TCF7L2: variants seen among roughly 807,000 people sequenced by gnomAD.
The protein encoded by TCF7L2 is transcription factor 7 like 2, also known as transcription factor 7-like 2.
In TCF7L2, 23 loss-of-function variants were observed where a neutral mutation model predicts 77.9. The ratio of observed to expected loss-of-function variants is 0.30; its 90% confidence interval spans 0.21 to 0.42. The LOEUF is 0.42. Among genes scored for constraint, TCF7L2 ranks in the 10% least tolerant of loss-of-function variants. TCF7L2 has a pLI of 1.00. For synonymous variants in TCF7L2, 413 were observed against 340.2 expected (o/e 1.21, Z -2.36); for missense variants, 654 against 793.1 (o/e 0.82, Z 2.11).
intron 5 of TCF7L2, among the ~76,000 whole-genome samples, chr10:113,104,001 C>T (rs1269816669): frequency 1.3e-5 from 2 of 152,170 alleles, no homozygotes; most frequent in Admixed American, 6.5e-5. Flanking sequence ...GGAATAAAAT[C>T]GGTGCCCTTG....
At chr10:112,952,560 T>C (rs562110484) in intron 3 of TCF7L2, among the ~76,000 whole-genome samples, 1 of 152,282 alleles carries the variant, frequency 6.6e-6, no homozygotes, top group African/African-American at 2.4e-5. Flanking sequence ...CCTTGGGATG[T>C]ATGGCGGGGT....
intron 4 of TCF7L2, among the ~76,000 whole-genome samples, 170 bp from the exon 5 acceptor site, chr10:113,039,855 G>T (rs1205541697): frequency 6.6e-6 from 1 of 152,076 alleles, no homozygotes; most frequent in African/African-American, 2.4e-5. Flanking sequence ...CTTGAGCTCT[G>T]AGGAAGACCC....
At chr10:112,983,841 T>C (rs2040968501) in intron 4 of TCF7L2, among the ~76,000 whole-genome samples, 1 of 152,204 alleles carries the variant, frequency 6.6e-6, no homozygotes, top group East Asian at 1.9e-4. Context: ...GGAACTTTCT[T>C]GTGTGTCTCT....
At chr10:112,984,041 C>A (rs1589989566) in intron 4 of TCF7L2, among the ~76,000 whole-genome samples, 1 of 152,196 alleles carries the variant, frequency 6.6e-6, no homozygotes, top group Admixed American at 6.5e-5. Context: ...CCAGAAGGTA[C>A]AGTTTAAACC....
At chr10:113,041,523 A>C (rs2052440100) in intron 5 of TCF7L2, among the ~76,000 whole-genome samples, 1 of 152,202 alleles carries the variant, frequency 6.6e-6, no homozygotes, top group Non-Finnish European at 1.5e-5. Flanking sequence ...CTCCCTTTCC[A>C]GAGCCTTGTG....
At chr10:112,969,475 A>G (rs758873798) in intron 4 of TCF7L2, among the ~76,000 whole-genome samples, 2 of 152,238 alleles carry the variant, frequency 1.3e-5, no homozygotes. Flanking sequence ...GGGGAAACAT[A>G]TATTTCCATT....
At chr10:113,150,395 T>C (rs2070487604) in intron 8 of TCF7L2, among the ~76,000 whole-genome samples, 1 of 151,822 alleles carries the variant, frequency 6.6e-6, no homozygotes, top group African/African-American at 2.4e-5. Flanking sequence ...ATGAACCAAA[T>C]AGGAACTATT....
chr10:112,969,696 A>G (rs1164249904), intron 4 of TCF7L2, among the ~76,000 whole-genome samples: 3 of 152,232 alleles, frequency 2.0e-5, no homozygotes, highest in Non-Finnish European at 2.9e-5. Context: ...GCTCCGGTGC[A>G]GGCCCCTTCA....
At chr10:113,117,942 C>A (rs759897294) in intron 5 of TCF7L2, among the ~76,000 whole-genome samples, 2 of 152,036 alleles carry the variant, frequency 1.3e-5, no homozygotes, top group African/African-American at 4.8e-5. Context: ...GCACACAAAG[C>A]GGGCACATTA....
chr10:113,009,826 C>T (rs1183217896), intron 4 of TCF7L2, among the ~76,000 whole-genome samples: 1 of 152,168 alleles, frequency 6.6e-6, no homozygotes, highest in African/African-American at 2.4e-5. Context: ...CGGTGAGTCT[C>T]AAGGGGAGAG....
intron 5 of TCF7L2, among the ~76,000 whole-genome samples, chr10:113,106,888 A>G (rs1190433442): frequency 1.3e-5 from 2 of 152,254 alleles, no homozygotes; most frequent in African/African-American, 4.8e-5. Context: ...CAAGTTTGGC[A>G]CCAACACTAT....
rs2052163537 is a variant in TCF7L2 at position 113,040,026 on chromosome 10, A to G, written c.452A>G (p.Tyr151Cys). 3 of 1,612,798 alleles carry G rather than the reference A, an allele frequency of 1.9e-6. No homozygotes were observed. The highest frequency in any genetic ancestry group is 2.2e-5 in the East Asian group (1 of 44,864). The change falls in exon 5 of 14, where the codon TAT becomes TGT. Residue 151 changes from tyrosine (Y) to cysteine (C), a missense_variant and splice_region_variant. Around this residue, in one of 6 missense-constraint regions of TCF7L2, gnomAD observed 179 missense variants for 270.6 expected, o/e 0.66. Coordinates refer to ENST00000627217, the MANE Select transcript of TCF7L2 (RefSeq NM_001146274.2). ...TTCACTTTTGTTTCCTCTCGCCAGT[A>G]TCTCCAGATGAAATGGCCACTGCTT... is the stretch of plus-strand genomic sequence containing the variant.
intron 3 of TCF7L2, among the ~76,000 whole-genome samples, chr10:112,954,935 G>A (rs1379103352): frequency 6.6e-6 from 1 of 152,072 alleles, no homozygotes; most frequent in Non-Finnish European, 1.5e-5. Context: ...AACCGAGAGG[G>A]GCCTATTCAT....
intron 4 of TCF7L2, among the ~76,000 whole-genome samples, chr10:113,007,879 G>A (rs540061666): frequency 2.6e-5 from 4 of 152,212 alleles, no homozygotes; most frequent in African/African-American, 7.2e-5. Flanking sequence ...GCCTTTTGGC[G>A]TGGTGTCTCT....
rs192329642 is a variant in TCF7L2 at position 113,026,437 on chromosome 10, G to A, written c.451-13588G>A. On this transcript the variant is annotated intron_variant, in intron 4 of 13. Coordinates refer to ENST00000627217, the MANE Select transcript of TCF7L2 (RefSeq NM_001146274.2). ...GCCTCCCAAAGTGCTGGGATTACAG[G>A]CATGAGCCACCATGCCTGGCCTAAG... is the stretch of plus-strand genomic sequence containing the variant. 4.7e-3 allele frequency among the ~76,000 whole-genome samples: 715 copies of A among 152,118 alleles called. 5 individuals carry two copies. The highest frequency in any genetic ancestry group is 6.4e-3 in the Non-Finnish European group (432 of 67,998).
At chr10:113,086,774 A>G (rs1487487906) in intron 5 of TCF7L2, among the ~76,000 whole-genome samples, 1 of 35,864 alleles carries the variant, frequency 2.8e-5, no homozygotes, top group Non-Finnish European at 4.6e-5. Context: ...AAAAAAAAAA[A>G]AACTATAGTT....
chr10:113,069,232 T>TC (rs2057649545), intron 5 of TCF7L2, among the ~76,000 whole-genome samples: 1 of 149,528 alleles, frequency 6.7e-6, no homozygotes, highest in Admixed American at 6.6e-5. Context: ...TAACTCATAT[T>TC]CTTTTTTTTT....
intron 8 of TCF7L2, among the ~76,000 whole-genome samples, chr10:113,149,776 A>G (rs370083829): frequency 6.6e-6 from 1 of 151,680 alleles, no homozygotes; most frequent in Non-Finnish European, 1.5e-5. Context: ...TAAGAAAGCA[A>G]CAGTTGCCAT....
intron 7 of TCF7L2, 113 bp downstream of exon 7, chr10:113,144,138 ATGTG>A (rs914968388): frequency 1.1e-5 from 5 of 440,076 alleles, no homozygotes; most frequent in South Asian, 5.4e-5. Context: ...GTGTGTGTGT[ATGTG>A]TGTGTGTTAG....
Sources: allele counts gnomAD v4.1 joint callset (sites outside exome capture counted in the v4.1 genomes callset), GRCh38; gene constraint gnomAD v4.1.1; regional missense constraint gnomAD v4.1.1; transcripts MANE v1.5; gene names NCBI Gene and HGNC (gene_info 2026-07-23, HGNC 2026-07-21).